Variants in CLSTN2 observed in about 807,000 individuals in gnomAD.
CLSTN2 encodes calsyntenin 2, also known as calsyntenin-2.
In CLSTN2, 48 loss-of-function variants were observed where a neutral mutation model predicts 101.2. That is an observed-to-expected ratio of 0.47 (90% CI 0.38 to 0.60). The LOEUF (loss-of-function observed/expected upper bound fraction) is 0.60. Ranked by LOEUF, CLSTN2 falls within the 20% of genes least tolerant of loss-of-function variation. The probability of loss-of-function intolerance (pLI) is 0.00; values close to 1 mark genes in which losing one functional copy is unlikely to be tolerated. For synonymous variants in CLSTN2, 481 were observed against 463.6 expected, an observed-to-expected ratio of 1.04 and a Z score of -0.48; for missense variants, 1,160 against 1,238.2, an observed-to-expected ratio of 0.94 and a Z score of 0.95.
intron 1 of CLSTN2, among the ~76,000 whole-genome samples, chr3:140,113,318 C>T (rs1358691615): frequency 1.3e-5 from 2 of 152,214 alleles, no homozygotes; most frequent in Non-Finnish European, 2.9e-5. Flanking sequence ...CCCTTTGAAG[C>T]CTAGGGGCTG....
intron 2 of CLSTN2, among the ~76,000 whole-genome samples, chr3:140,215,900 T>A (rs1266804745): frequency 1.3e-5 from 2 of 152,176 alleles, no homozygotes; most frequent in Non-Finnish European, 1.5e-5. Flanking sequence ...GTTAAGAAAG[T>A]GGAAACACTA....
intron 2 of CLSTN2, among the ~76,000 whole-genome samples, chr3:140,317,344 T>A (rs138245553): frequency 6.6e-6 from 1 of 152,186 alleles, no homozygotes; most frequent in Non-Finnish European, 1.5e-5. Flanking sequence ...AGCTTCCTGA[T>A]GCAACCTCAG....
At chr3:140,027,126 A>T (rs1000027679) in intron 1 of CLSTN2, among the ~76,000 whole-genome samples, 14 of 152,234 alleles carry the variant, frequency 9.2e-5, no homozygotes, top group African/African-American at 2.7e-4. Context: ...GGCGTTCATC[A>T]GAGCAAAACT....
At chr3:140,423,025 CATGAAAT>C (rs759504263) in intron 5 of CLSTN2, among the ~76,000 whole-genome samples, 28 of 152,166 alleles carry the variant, frequency 1.8e-4, no homozygotes, top group Non-Finnish European at 3.8e-4. Context: ...ACTCTGTATG[CATGAAAT>C]ATGTTCACAA....
chr3:140,514,348 G>A (rs140734036), intron 8 of CLSTN2, among the ~76,000 whole-genome samples: 29 of 152,218 alleles, frequency 1.9e-4, no homozygotes, highest in East Asian at 1.4e-3. Context: ...TCCCACTCAT[G>A]AGTGAGAACA....
chr3:140,461,081 A>T (rs1933551683), intron 7 of CLSTN2: 1 of 152,218 alleles, frequency 6.6e-6, no homozygotes, highest in Non-Finnish European at 1.5e-5. Flanking sequence ...TGTTGTTATT[A>T]TTATTACTTC....
Position 140,567,360 on chromosome 3 carries a change from A to C in CLSTN2, c.*1107A>C, listed in dbSNP as rs1985308693. On this transcript the variant is annotated 3_prime_UTR_variant, in exon 17 of 17. Transcript: ENST00000458420. ...GAAACGCACGAGCTCCACCAAGTCT[A>C]CAATGAAAGTTTGAAATTTAACTGC... 1.3e-5 allele frequency: 2 copies of C among 152,256 alleles called. No individual in the cohort carries two copies. The highest frequency in any genetic ancestry group is 4.1e-4 in the South Asian group (2 of 4,830). The allele number at this position is 152,256 out of a possible 1,614,324, so 9.4% of individuals were successfully genotyped here. A position where few individuals can be genotyped will look rare whatever the true frequency, so the allele number is the denominator to read the frequency against.
intron 1 of CLSTN2, among the ~76,000 whole-genome samples, chr3:140,144,936 C>G (rs185418631): frequency 1.3e-4 from 20 of 152,224 alleles, no homozygotes; most frequent in African/African-American, 4.8e-4. Context: ...CAACTCATAT[C>G]TTTTGTGAAA....
rs769524543 is a variant in CLSTN2 at position 140,575,774 on chromosome 3, TAGGCTATGGAC to T, written c.*9524_*9534del. The T allele has an allele frequency of 2.3e-4, 35 of 152,132 alleles. No individual in the cohort carries two copies. Among genetic ancestry groups the T allele is most frequent in the Non-Finnish European group, 4.3e-4 (29 of 68,012 alleles). The allele number at this position is 152,132 out of a possible 1,614,324, so 9.4% of individuals were successfully genotyped here. On this transcript the variant is annotated 3_prime_UTR_variant, in exon 17 of 17. Coordinates refer to ENST00000458420, the MANE Select transcript of CLSTN2 (RefSeq NM_022131.3). ...CAAAATATAAATTATCAGAGATGAG[TAGGCTATGGAC>T]AGCTGATTATATATATGTGTGTGTG...
intron 1 of CLSTN2, among the ~76,000 whole-genome samples, chr3:140,105,123 G>A (rs915894396): frequency 1.4e-4 from 22 of 152,366 alleles, no homozygotes; most frequent in African/African-American, 5.1e-4. Context: ...GGTAAGAATT[G>A]TGAGAGAGCA....
intron 1 of CLSTN2, among the ~76,000 whole-genome samples, chr3:140,174,882 T>A (rs1376711144): frequency 6.6e-6 from 1 of 152,146 alleles, no homozygotes; most frequent in Non-Finnish European, 1.5e-5. Flanking sequence ...AAAAACTTAT[T>A]GTCTCACGTT....
At chr3:140,533,104 T>C (rs1264448969) in intron 9 of CLSTN2, among the ~76,000 whole-genome samples, 1 of 152,208 alleles carries the variant, frequency 6.6e-6, no homozygotes, top group African/African-American at 2.4e-5. Context: ...TCTTGTGCTG[T>C]TGCCTCTCTC....
chr3:140,322,699 C>T (rs2087295288), intron 2 of CLSTN2, among the ~76,000 whole-genome samples: 1 of 152,204 alleles, frequency 6.6e-6, no homozygotes, highest in African/African-American at 2.4e-5. Context: ...ATTTTAGACT[C>T]ACACAACAAC....
chr3:140,129,765 G>T (rs916216916), intron 1 of CLSTN2, among the ~76,000 whole-genome samples: 3 of 152,178 alleles, frequency 2.0e-5, no homozygotes, highest in African/African-American at 7.2e-5. Context: ...AGCTGGGCCT[G>T]GTGTGTTGAA....
intron 11 of CLSTN2, among the ~76,000 whole-genome samples, chr3:140,558,435 G>A (rs1389024719): frequency 6.6e-6 from 1 of 152,130 alleles, no homozygotes; most frequent in Non-Finnish European, 1.5e-5. Flanking sequence ...TTTCTCTCAG[G>A]AGCCAATCTT....
chr3:140,181,429 A>T (rs758756003), intron 2 of CLSTN2, among the ~76,000 whole-genome samples: 6 of 152,008 alleles, frequency 3.9e-5, no homozygotes, highest in African/African-American at 1.5e-4. Flanking sequence ...ATAATCTGTG[A>T]TTTTTTTTAA....
intron 2 of CLSTN2, among the ~76,000 whole-genome samples, chr3:140,183,886 C>T (rs191700862): frequency 1.3e-5 from 2 of 152,328 alleles, no homozygotes; most frequent in Non-Finnish European, 2.9e-5. Flanking sequence ...GCCAAGAACA[C>T]AGTAGTAATG....
intron 2 of CLSTN2, among the ~76,000 whole-genome samples, chr3:140,368,255 G>C (rs746170561): frequency 2.6e-5 from 4 of 152,096 alleles, no homozygotes; most frequent in Non-Finnish European, 5.9e-5. Flanking sequence ...AGCACTCCAC[G>C]TGCTTTCCTG....
At chr3:140,275,444 T>C (rs982854681) in intron 2 of CLSTN2, among the ~76,000 whole-genome samples, 3 of 152,032 alleles carry the variant, frequency 2.0e-5, no homozygotes, top group Non-Finnish European at 4.4e-5. Context: ...TTTAAAATTA[T>C]TATTATTTGT....
Sources: gnomAD v4.1 joint callset for allele counts (sites outside exome capture counted in the v4.1 genomes callset) on GRCh38, gnomAD v4.1.1 for gene constraint, MANE v1.5 for transcripts, NCBI Gene and HGNC (gene_info 2026-07-23, HGNC 2026-07-21) for gene names.